Variants in ATRNL1 observed in about 807,000 individuals in gnomAD.
The protein encoded by ATRNL1 is attractin-like protein 1.
Under a neutral mutation model 182.7 loss-of-function variants are expected in ATRNL1, and 95 were observed. The observed-to-expected ratio is 0.52, with a 90% CI of 0.44 to 0.62. The LOEUF is 0.62. Ranked by LOEUF, ATRNL1 falls within the 20% of genes least tolerant of loss-of-function variation. ATRNL1 has a pLI of 0.00. For synonymous variants in ATRNL1, 576 were observed against 568.3 expected, an observed-to-expected ratio of 1.01 and a Z score of -0.19; for missense variants, 1,471 against 1,679.5, an observed-to-expected ratio of 0.88 and a Z score of 2.17.
intron 24 of ATRNL1, among the ~76,000 whole-genome samples, chr10:115,502,539 T>TA (rs200630237): frequency 2.6e-5 from 4 of 152,100 alleles, no homozygotes; most frequent in African/African-American, 4.8e-5. Flanking sequence ...TGAAGCCAAT[T>TA]AATTTTTTTT....
chr10:115,475,629 C>T (rs144446155), intron 24 of ATRNL1, among the ~76,000 whole-genome samples: 206 of 151,466 alleles, frequency 1.4e-3, no homozygotes, highest in African/African-American at 4.6e-3. Context: ...ATGAAGATTA[C>T]TAGTGGTACT....
chr10:115,222,341 C>T (rs1286181272), intron 9 of ATRNL1, among the ~76,000 whole-genome samples: 1 of 152,074 alleles, frequency 6.6e-6, no homozygotes, highest in Non-Finnish European at 1.5e-5. Flanking sequence ...GTCTAACCCA[C>T]ATGTGTAATT....
At chr10:115,302,869 G>T (rs1853543793) in intron 17 of ATRNL1, among the ~76,000 whole-genome samples, 1 of 137,116 alleles carries the variant, frequency 7.3e-6, no homozygotes, top group Non-Finnish European at 1.5e-5. Context: ...GGAGAAAAAA[G>T]TGCCAATCTT....
At chr10:115,825,867 C>T (rs936197412) in intron 27 of ATRNL1, among the ~76,000 whole-genome samples, 2 of 151,920 alleles carry the variant, frequency 1.3e-5, no homozygotes, top group Non-Finnish European at 2.9e-5. Flanking sequence ...GCATTGTGAC[C>T]TTTTTTTTCC....
intron 5 of ATRNL1, among the ~76,000 whole-genome samples, chr10:115,155,854 A>G (rs1429345195): frequency 2.0e-5 from 3 of 152,178 alleles, no homozygotes; most frequent in Admixed American, 6.6e-5. Flanking sequence ...GTTTTAGACT[A>G]TTGCAGTAGT....
chr10:115,132,590 C>G (rs1366555447), intron 5 of ATRNL1, among the ~76,000 whole-genome samples: 8 of 152,108 alleles, frequency 5.3e-5, no homozygotes, highest in African/African-American at 1.7e-4. Context: ...TCTCCAGCAC[C>G]TGTTGTTTCC....
chr10:115,306,445 T>C lies in ATRNL1; in HGVS notation c.2818+4402T>C, dbSNP rs535528344. On this transcript the variant is annotated intron_variant, in intron 17 of 28. Coordinates refer to ENST00000355044, the MANE Select transcript of ATRNL1 (RefSeq NM_207303.4). The stretch of plus-strand genomic sequence containing the variant: ...TTGGGAGCTTTTAAGATTTTTTTCT[T>C]TCTTGTTGGCATTCTAAAATTTTTC... 5.9e-5 allele frequency among the ~76,000 whole-genome samples: 9 copies of C among 152,280 alleles called. No individual in the cohort carries two copies. In the East Asian group the frequency reaches 1.7e-3, roughly 29 times the overall value.
intron 26 of ATRNL1, among the ~76,000 whole-genome samples, chr10:115,642,439 G>T (rs1859312492): frequency 1.0e-5 from 1 of 99,604 alleles, no homozygotes; most frequent in Non-Finnish European, 2.0e-5. Context: ...AAATTCTAGT[G>T]CTTTTTTTTT....
intron 26 of ATRNL1, among the ~76,000 whole-genome samples, chr10:115,601,972 AT>A (rs554486967): frequency 1.6e-3 from 223 of 136,022 alleles, no homozygotes; most frequent in Middle Eastern, 3.8e-3. Context: ...TACTTTTTGG[AT>A]TTTTTTTTTT....
At chr10:115,539,512 C>A (rs1315223990) in intron 25 of ATRNL1, among the ~76,000 whole-genome samples, 4 of 152,174 alleles carry the variant, frequency 2.6e-5, no homozygotes, top group African/African-American at 9.6e-5. Context: ...CCCTTTAGTG[C>A]CCCCTGACCT....
At chr10:115,243,149 A>C (rs1442673034) in intron 10 of ATRNL1, among the ~76,000 whole-genome samples, 1 of 152,108 alleles carries the variant, frequency 6.6e-6, no homozygotes, top group Non-Finnish European at 1.5e-5. Flanking sequence ...CATGAAGTGG[A>C]ATTTTGAACT....
chr10:115,830,653 A>G (rs1321764639), intron 27 of ATRNL1, among the ~76,000 whole-genome samples: 1 of 152,196 alleles, frequency 6.6e-6, no homozygotes, highest in African/African-American at 2.4e-5. Context: ...TTCAAATAAA[A>G]GGTGCAGAGG....
intron 8 of ATRNL1, among the ~76,000 whole-genome samples, chr10:115,209,479 C>T (rs1206363142): frequency 6.8e-5 from 10 of 147,630 alleles, no homozygotes; most frequent in African/African-American, 2.5e-4. Context: ...TTCTAAATTA[C>T]TCCATCATGG....
intron 26 of ATRNL1, among the ~76,000 whole-genome samples, chr10:115,653,716 G>A (rs988563491): frequency 1.3e-5 from 2 of 152,052 alleles, no homozygotes; most frequent in Non-Finnish European, 2.9e-5. Flanking sequence ...GGAATTTCCT[G>A]TTTATTCATT....
chr10:115,820,882 C>G (rs1239995597), intron 27 of ATRNL1, among the ~76,000 whole-genome samples: 1 of 152,080 alleles, frequency 6.6e-6, no homozygotes, highest in Non-Finnish European at 1.5e-5. Context: ...TCCCCATAAT[C>G]CCCAGTGTCT....
intron 26 of ATRNL1, among the ~76,000 whole-genome samples, chr10:115,656,924 G>A (rs1555036122): frequency 6.6e-6 from 1 of 151,950 alleles, no homozygotes; most frequent in Non-Finnish European, 1.5e-5. Context: ...TATATATATA[G>A]CTCACATTTG....
At chr10:115,782,452 C>G (rs1311066286) in intron 27 of ATRNL1, among the ~76,000 whole-genome samples, 2 of 152,194 alleles carry the variant, frequency 1.3e-5, no homozygotes, top group Non-Finnish European at 2.9e-5. Context: ...GATGCAATCA[C>G]AACTTGACAT....
chr10:115,701,918 G>A, intron 26 of ATRNL1, among the ~76,000 whole-genome samples: 1 of 151,900 alleles, frequency 6.6e-6, no homozygotes, highest in Non-Finnish European at 1.5e-5. Flanking sequence ...AAAAAATACA[G>A]CAGGAGAGAC....
intron 1 of ATRNL1, 86 bp from the exon 2 acceptor site, chr10:115,120,099 T>G: frequency 2.5e-6 from 2 of 795,008 alleles, no homozygotes; most frequent in Non-Finnish European, 4.1e-6. Context: ...TCCTTTGGCT[T>G]AATGACTTTT....
Sources: allele counts gnomAD v4.1 joint callset (sites outside exome capture counted in the v4.1 genomes callset), GRCh38; gene constraint gnomAD v4.1.1; transcripts MANE v1.5; gene names NCBI Gene and HGNC (gene_info 2026-07-23, HGNC 2026-07-21).